The following EYA3 variants were observed in gnomAD, a reference collection of about 807,000 sequenced individuals.
EYA3 encodes the protein protein phosphatase EYA3.
Under a neutral mutation model 80.0 loss-of-function variants are expected in EYA3, and 39 were observed. The ratio of observed to expected loss-of-function variants is 0.49; its 90% CI spans 0.38 to 0.64. The LOEUF (loss-of-function observed/expected upper bound fraction) is 0.64, where lower values mean the gene tolerates loss of function less well. Ranked by LOEUF, EYA3 falls within the 30% of genes least tolerant of loss-of-function variation. The pLI, the probability that EYA3 is intolerant of heterozygous loss-of-function variation, is 0.00. For synonymous variants in EYA3, 206 were observed against 232.8 expected, an observed-to-expected ratio of 0.88 and a Z score of 1.05; for missense variants, 523 against 676.1, an observed-to-expected ratio of 0.77 and a Z score of 2.51.
intron 15 of EYA3, among the ~76,000 whole-genome samples, chr1:27,989,082 T>C (rs1435869714): frequency 1.3e-5 from 2 of 152,356 alleles, no homozygotes; most frequent in Admixed American, 6.5e-5. Flanking sequence ...CTTCACACAA[T>C]AGCAACATAG....
At chr1:28,081,286 T>A (rs770313954) in intron 1 of EYA3, among the ~76,000 whole-genome samples, 11 of 152,224 alleles carry the variant, frequency 7.2e-5, no homozygotes, top group Non-Finnish European at 1.3e-4. Flanking sequence ...ATTCTCTTTG[T>A]GAAGCTCTAG....
chr1:27,993,555 T>C lies in EYA3; in HGVS notation c.1148A>G (p.Tyr383Cys), dbSNP rs756047687. The change falls in exon 14 of 18, where the codon TAC becomes TGC. Residue 383 changes from tyrosine to cysteine, a missense_variant. Physicochemically the swap from Tyr to Cys is radical, Grantham distance 194 (BLOSUM62 -2). Around this residue, in one of 2 missense-constraint regions of EYA3, gnomAD observed 219 missense variants for 332.8 expected, o/e 0.66. Coordinates refer to ENST00000373871, the MANE Select transcript of EYA3 (RefSeq NM_001990.4). ...SDDNGQDLSNYSFSTDGFSGS... is the reference protein window; with the variant it reads ...SDDNGQDLSNCSFSTDGFSGS... The stretch of plus-strand genomic sequence containing the variant: ...ACTGAAACCATCTGTTGAGAAACTG[T>C]AGTTGCTGCAAGGAGAGAAGATAAT... The C allele has an allele frequency of 1.3e-6, 2 of 1,581,862 alleles. No homozygotes were observed. Among genetic ancestry groups the C allele is most frequent in the Non-Finnish European group, 1.7e-6 (2 of 1,170,834 alleles).
chr1:28,002,816 GA>G (rs900911892), intron 11 of EYA3, among the ~76,000 whole-genome samples: 2 of 145,880 alleles, frequency 1.4e-5, no homozygotes, highest in South Asian at 2.2e-4. Context: ...TATCTCAGGA[GA>G]AAAAAAAAAC....
At chr1:28,068,255 C>T (rs1399374666) in intron 1 of EYA3, among the ~76,000 whole-genome samples, 1 of 151,588 alleles carries the variant, frequency 6.6e-6, no homozygotes, top group Admixed American at 6.6e-5. Context: ...TCGCTTGAAC[C>T]CGGGAGGTGG....
intron 1 of EYA3, among the ~76,000 whole-genome samples, chr1:28,073,588 T>C (rs1035230065): frequency 1.3e-5 from 2 of 151,770 alleles, no homozygotes; most frequent in Non-Finnish European, 2.9e-5. Context: ...GTGTGAGCCA[T>C]TGCACCCAGC....
At chr1:28,070,390 C>T (rs773288420) in intron 1 of EYA3, among the ~76,000 whole-genome samples, 1 of 151,988 alleles carries the variant, frequency 6.6e-6, no homozygotes, top group Non-Finnish European at 1.5e-5. Flanking sequence ...TGAAACCCCC[C>T]GTCTCTACTA....
chr1:28,044,808 G>A (rs953530830), intron 3 of EYA3, among the ~76,000 whole-genome samples: 2 of 151,748 alleles, frequency 1.3e-5, no homozygotes, highest in African/African-American at 4.8e-5. Flanking sequence ...GGTCTCACTC[G>A]GTCACCCAGG....
intron 2 of EYA3, 35 bp from the exon 3 acceptor site, chr1:28,048,461 T>C (rs775061371): frequency 6.4e-7 from 1 of 1,555,942 alleles, no homozygotes; most frequent in Admixed American, 1.8e-5. Context: ...ATCAATGTAC[T>C]TGATCTGTTT....
At chr1:27,979,264 T>C (rs752197033) in intron 16 of EYA3, among the ~76,000 whole-genome samples, 2 of 152,190 alleles carry the variant, frequency 1.3e-5, no homozygotes, top group Non-Finnish European at 2.9e-5. Flanking sequence ...AAAAAGCCAT[T>C]TCCCTCCAAT....
chr1:28,006,267 G>C (rs1641265053), intron 10 of EYA3, among the ~76,000 whole-genome samples: 1 of 151,150 alleles, frequency 6.6e-6, no homozygotes, highest in Non-Finnish European at 1.5e-5. Context: ...ATAGAACAGA[G>C]GGGGAAAAAG....
chr1:28,067,382 T>G (rs1644871113), intron 1 of EYA3, among the ~76,000 whole-genome samples: 1 of 152,204 alleles, frequency 6.6e-6, no homozygotes, highest in African/African-American at 2.4e-5. Flanking sequence ...ATAGCTTACA[T>G]ATAATTTGAT....
chr1:28,018,888 G>A (rs1642242900), intron 7 of EYA3, among the ~76,000 whole-genome samples: 3 of 152,166 alleles, frequency 2.0e-5, no homozygotes, highest in African/African-American at 7.2e-5. Context: ...CTATGGCCAG[G>A]TGCGTGGTGG....
intron 7 of EYA3, among the ~76,000 whole-genome samples, chr1:28,019,120 C>T (rs557197455): frequency 1.2e-4 from 19 of 152,164 alleles, no homozygotes; most frequent in East Asian, 5.8e-4. Flanking sequence ...GAGCTGAGAT[C>T]GCGCCACTGC....
intron 16 of EYA3, among the ~76,000 whole-genome samples, chr1:27,983,990 AAT>A (rs1639483886): frequency 6.6e-6 from 1 of 151,886 alleles, no homozygotes; most frequent in Non-Finnish European, 1.5e-5. Flanking sequence ...CTGCCAATTA[AAT>A]GTGTTGTAAA....
At chr1:27,976,286 C>A (rs1638925263) in intron 17 of EYA3, among the ~76,000 whole-genome samples, 1 of 151,984 alleles carries the variant, frequency 6.6e-6, no homozygotes, top group Non-Finnish European at 1.5e-5. Flanking sequence ...ATGGCAAAAC[C>A]CTGTCTCTAC....
At chr1:28,079,714 T>G (rs1485999215) in intron 1 of EYA3, among the ~76,000 whole-genome samples, 2 of 152,190 alleles carry the variant, frequency 1.3e-5, no homozygotes, top group South Asian at 4.1e-4. Context: ...TCAATGATTG[T>G]TCTGCAGCTA....
chr1:28,030,257 G>T (rs1557591645), intron 6 of EYA3, among the ~76,000 whole-genome samples: 1 of 152,180 alleles, frequency 6.6e-6, no homozygotes, highest in African/African-American at 2.4e-5. Flanking sequence ...AGAGAAATAT[G>T]AAAGTCTTAA....
At chr1:28,052,506 C>G (rs1405297377) in intron 2 of EYA3, among the ~76,000 whole-genome samples, 1 of 152,076 alleles carries the variant, frequency 6.6e-6, no homozygotes. Flanking sequence ...GATGATTCAA[C>G]GAAGGAAGAA....
chr1:27,992,667 A>C (rs1207493107), intron 14 of EYA3, among the ~76,000 whole-genome samples: 1 of 152,220 alleles, frequency 6.6e-6, no homozygotes, highest in Non-Finnish European at 1.5e-5. Flanking sequence ...GTACCTCACT[A>C]TAAAAGGAGC....
Sources: gnomAD v4.1 joint callset for allele counts (sites outside exome capture counted in the v4.1 genomes callset) on GRCh38, gnomAD v4.1.1 for gene constraint, gnomAD v4.1.1 regional missense constraint, MANE v1.5 for transcripts, NCBI Gene and HGNC (gene_info 2026-07-23, HGNC 2026-07-21) for gene names.